Variants in SORCS1 observed in about 807,000 individuals in gnomAD.
SORCS1 encodes VPS10 domain-containing receptor SorCS1.
Under a neutral mutation model 146.1 loss-of-function variants are expected in SORCS1, and 60 were observed. The observed-to-expected ratio is 0.41, with a 90% CI of 0.33 to 0.51. The LOEUF (loss-of-function observed/expected upper bound fraction) is 0.51. Among genes scored for constraint, SORCS1 ranks in the 20% least tolerant of loss-of-function variants. The pLI is 0.21. For synonymous variants in SORCS1, 637 were observed against 584.0 expected, an observed-to-expected ratio of 1.09 and a Z score of -1.31; for missense variants, 1,352 against 1,487.6, an observed-to-expected ratio of 0.91 and a Z score of 1.50.
chr10:106,975,754 C>T (rs1955963929), intron 1 of SORCS1, among the ~76,000 whole-genome samples: 1 of 152,172 alleles, frequency 6.6e-6, no homozygotes, highest in Non-Finnish European at 1.5e-5. Context: ...CCACTTCTTG[C>T]AATTCTGCAA....
intron 2 of SORCS1, among the ~76,000 whole-genome samples, chr10:106,950,620 C>T (rs1236797533): frequency 6.6e-6 from 1 of 151,752 alleles, no homozygotes; most frequent in Non-Finnish European, 1.5e-5. Flanking sequence ...TATATATATA[C>T]ACACAATACA....
At chr10:107,181,010 G>A in the SORCS1 span, among the ~76,000 whole-genome samples, 1 of 152,184 alleles carries the variant, frequency 6.6e-6, no homozygotes, top group Non-Finnish European at 1.5e-5. Context: ...AAAAGGTACA[G>A]TAAAAATACT....
At chr10:106,588,817 C>T (rs1040746921) in intron 24 of SORCS1, among the ~76,000 whole-genome samples, 24 of 137,622 alleles carry the variant, frequency 1.7e-4, no homozygotes, top group African/African-American at 5.4e-4. Flanking sequence ...GCCGAGATCA[C>T]GCCACTGCAC....
At chr10:106,901,894 AT>A (rs1448641683) in intron 2 of SORCS1, among the ~76,000 whole-genome samples, 1 of 152,132 alleles carries the variant, frequency 6.6e-6, no homozygotes, top group Non-Finnish European at 1.5e-5. Flanking sequence ...ATACAAAAAA[AT>A]TAGCCAGGCA....
intron 3 of SORCS1, among the ~76,000 whole-genome samples, chr10:106,787,702 G>A (rs1052380162): frequency 3.9e-5 from 6 of 152,152 alleles, no homozygotes; most frequent in East Asian, 1.9e-4. Context: ...CAAACAACAC[G>A]ATCTTTTATG....
chr10:107,020,057 G>T (rs1958065932), intron 1 of SORCS1, among the ~76,000 whole-genome samples: 1 of 152,210 alleles, frequency 6.6e-6, no homozygotes, highest in Non-Finnish European at 1.5e-5. Context: ...CCTAGGCAGT[G>T]ACCATGAAAG....
At chr10:106,659,282 C>T (rs1175640922) in intron 17 of SORCS1, among the ~76,000 whole-genome samples, 1 of 152,162 alleles carries the variant, frequency 6.6e-6, no homozygotes, top group Non-Finnish European at 1.5e-5. Flanking sequence ...TTGCATTAAG[C>T]AGGATGGAAG....
intron 2 of SORCS1, among the ~76,000 whole-genome samples, chr10:106,848,987 A>G (rs1949429081): frequency 6.6e-6 from 1 of 151,144 alleles, no homozygotes; most frequent in Admixed American, 6.6e-5. Context: ...CTTTGAGGGT[A>G]ACCCGACCTT....
intron 1 of SORCS1, among the ~76,000 whole-genome samples, chr10:106,966,724 C>T (rs1955512017): frequency 6.6e-6 from 1 of 152,110 alleles, no homozygotes; most frequent in Non-Finnish European, 1.5e-5. Context: ...TCTGTTTCTC[C>T]ACAGAGCCAG....
intron 1 of SORCS1, among the ~76,000 whole-genome samples, chr10:107,094,898 G>C (rs1217531436): frequency 6.6e-6 from 1 of 152,178 alleles, no homozygotes; most frequent in African/African-American, 2.4e-5. Flanking sequence ...GAAAGTAATA[G>C]AAGCGTCATA....
chr10:107,015,795 T>C (rs1204816478), intron 1 of SORCS1, among the ~76,000 whole-genome samples: 1 of 152,172 alleles, frequency 6.6e-6, no homozygotes, highest in Non-Finnish European at 1.5e-5. Flanking sequence ...GACAGATTTG[T>C]AAAGATCTCA....
chr10:107,091,069 G>A (rs1031361322), intron 1 of SORCS1, among the ~76,000 whole-genome samples: 14 of 152,190 alleles, frequency 9.2e-5, no homozygotes, highest in Admixed American at 5.9e-4. Flanking sequence ...AAGCGAGGGA[G>A]ACCCAAGCCC....
At chr10:106,814,106 C>G (rs1408639602) in intron 3 of SORCS1, among the ~76,000 whole-genome samples, 1 of 152,170 alleles carries the variant, frequency 6.6e-6, no homozygotes, top group Non-Finnish European at 1.5e-5. Flanking sequence ...GGACTTACAA[C>G]AAGGTTTTCT....
At position 106,882,211 on chromosome 10, in the gene SORCS1, G is replaced by A. The variant is rs191145737; in HGVS notation, c.627-52538C>T. Among the ~76,000 whole-genome samples, 48 of 152,074 alleles carry A rather than the reference G, an allele frequency of 3.2e-4. No homozygotes were observed. In the East Asian group the frequency reaches 7.2e-3, roughly 23 times the overall value. On this transcript the variant is annotated intron_variant, in intron 2 of 25. Coordinates refer to ENST00000263054, the MANE Select transcript of SORCS1 (RefSeq NM_052918.5). ...CTTTTGACTTCCCTAGGCCATATTG[G>A]ACGAAGAAGAATTGTCTTGGGCCAC...
At chr10:106,926,858 CACACACACAGAGAG>C (rs1378122027) in intron 2 of SORCS1, among the ~76,000 whole-genome samples, 11 of 103,334 alleles carry the variant, frequency 1.1e-4, no homozygotes, top group African/African-American at 3.3e-4. Context: ...CACACACACA[CACACACACAGAGAG>C]AGAGAGAGAG....
intron 1 of SORCS1, among the ~76,000 whole-genome samples, chr10:106,990,777 A>T (rs1956734052): frequency 6.6e-6 from 1 of 152,232 alleles, no homozygotes; most frequent in Non-Finnish European, 1.5e-5. Context: ...TACTTCTGAA[A>T]AATTGTGAGT....
At chr10:106,639,948 G>T (rs1031755574) in intron 18 of SORCS1, among the ~76,000 whole-genome samples, 2 of 152,004 alleles carry the variant, frequency 1.3e-5, no homozygotes, top group African/African-American at 4.8e-5. Flanking sequence ...AACCCAGGAG[G>T]TGGAGGTCGC....
At chr10:106,603,704 G>C (rs11192973) in intron 23 of SORCS1, among the ~76,000 whole-genome samples, 7,611 of 152,212 alleles carry the variant, frequency 0.05, 244 homozygotes, top group East Asian at 0.13. Flanking sequence ...CTGAGATTTA[G>C]AGTACAGCCT....
chr10:106,940,621 C>T (rs748549682), intron 2 of SORCS1, among the ~76,000 whole-genome samples: 10 of 152,146 alleles, frequency 6.6e-5, no homozygotes, highest in Non-Finnish European at 7.3e-5. Flanking sequence ...TGGTGGCTCA[C>T]GCCTGTAATC....
Sources: gnomAD v4.1 joint callset for allele counts (sites outside exome capture counted in the v4.1 genomes callset) on GRCh38, gnomAD v4.1.1 for gene constraint, MANE v1.5 for transcripts, NCBI Gene and HGNC (gene_info 2026-07-23, HGNC 2026-07-21) for gene names.